Variants in COL24A1 observed in about 807,000 individuals in gnomAD.
The protein encoded by COL24A1 is collagen alpha-1(XXIV) chain.
COL24A1 carries 224 observed loss-of-function variants against 253.9 expected under a neutral mutation model. The ratio of observed to expected loss-of-function variants is 0.88; its 90% CI spans 0.79 to 0.99. The LOEUF is 0.99. Among genes scored for constraint, COL24A1 ranks in the 50% least tolerant of loss-of-function variants. COL24A1 has a pLI of 0.00. For missense variants in COL24A1, 2,131 were observed against 2,068.5 expected, an observed-to-expected ratio of 1.03 and a Z score of -0.59; for synonymous variants, 685 against 673.7, an observed-to-expected ratio of 1.02 and a Z score of -0.26.
At chr1:85,775,144 G>C (rs1668401811) in intron 53 of COL24A1, among the ~76,000 whole-genome samples, 1 of 152,158 alleles carries the variant, frequency 6.6e-6, no homozygotes, top group Non-Finnish European at 1.5e-5. Context: ...TAGTCATTCA[G>C]AAGCAGGTTG....
intron 24 of COL24A1, among the ~76,000 whole-genome samples, chr1:85,956,504 T>G (rs1690484453): frequency 6.6e-6 from 1 of 152,188 alleles, no homozygotes. Context: ...AGATTTCTCA[T>G]GAAATCTTAC....
intron 53 of COL24A1, among the ~76,000 whole-genome samples, chr1:85,763,890 C>G (rs1667094326): frequency 6.6e-6 from 1 of 152,172 alleles, no homozygotes; most frequent in South Asian, 2.1e-4. Flanking sequence ...AAACAAGATT[C>G]TCTTTTCACT....
At chr1:85,881,631 G>GA (rs1220846582) in intron 32 of COL24A1, among the ~76,000 whole-genome samples, 2 of 150,984 alleles carry the variant, frequency 1.3e-5, no homozygotes, top group Non-Finnish European at 3.0e-5. Context: ...TCTCAAAACA[G>GA]AAAAAAAAAT....
chr1:85,970,455 C>T (rs951226625), intron 21 of COL24A1, among the ~76,000 whole-genome samples, 184 bp from the exon 22 acceptor site: 3 of 151,898 alleles, frequency 2.0e-5, no homozygotes, highest in African/African-American at 7.3e-5. Context: ...TTTGTGTGAA[C>T]CTGGTGCATT....
intron 37 of COL24A1, among the ~76,000 whole-genome samples, chr1:85,854,055 T>C (rs1678125468): frequency 6.6e-6 from 1 of 152,226 alleles, no homozygotes; most frequent in African/African-American, 2.4e-5. Flanking sequence ...ATGTCCAGAA[T>C]AGTATTCCCT....
intron 37 of COL24A1, among the ~76,000 whole-genome samples, chr1:85,859,561 T>G (rs1431359646): frequency 6.6e-6 from 1 of 152,186 alleles, no homozygotes; most frequent in Admixed American, 6.6e-5. Flanking sequence ...CCCTGGTTAT[T>G]TGTTCAGTAT....
At chr1:85,809,654 T>C (rs1228368721) in intron 47 of COL24A1, among the ~76,000 whole-genome samples, 5 of 151,982 alleles carry the variant, frequency 3.3e-5, no homozygotes, top group Non-Finnish European at 7.4e-5. Context: ...CTCTGTGGAC[T>C]TTGGAGTCAA....
At chr1:86,029,543 T>C (rs1698359490) in intron 14 of COL24A1, among the ~76,000 whole-genome samples, 3 of 152,144 alleles carry the variant, frequency 2.0e-5, no homozygotes, top group South Asian at 4.1e-4. Flanking sequence ...AGTTAAAGCT[T>C]ATGCTGACTT....
intron 3 of COL24A1, among the ~76,000 whole-genome samples, chr1:86,124,520 T>G (rs1167425090): frequency 2.0e-5 from 3 of 152,078 alleles, no homozygotes; most frequent in African/African-American, 7.2e-5. Context: ...AATATAAATA[T>G]ATTATCTATA....
At position 85,987,619 on chromosome 1, in the gene COL24A1, G is replaced by A. The variant is rs762767178; in HGVS notation, c.2346C>T (p.Asn782=). The change falls in exon 20 of 60, where the codon AAC becomes AAT. Residue 782 remains asparagine, a synonymous_variant. Coordinates refer to ENST00000370571, the MANE Select transcript of COL24A1 (RefSeq NM_152890.7). ...TTCTTACCTTTGGTCCTTCAGGGCC[G>A]TTTTGTCCAGGAATCCCAATATCTC... ...FPGDIGIPGQ[N]GPEGPKGLLG... 1.2e-5 allele frequency: 19 copies of A among 1,610,312 alleles called. No individual in the cohort carries two copies. The highest frequency in any genetic ancestry group is 1.7e-5 in the Admixed American group (1 of 59,608).
chr1:86,034,783 G>C (rs555289), intron 12 of COL24A1, among the ~76,000 whole-genome samples: 19,038 of 151,866 alleles, frequency 0.13, 1,298 homozygotes, highest in Middle Eastern at 0.14. Context: ...ATAACTCAAC[G>C]CTCAGCTACT....
At chr1:85,887,392 C>T (rs1682638568) in intron 32 of COL24A1, among the ~76,000 whole-genome samples, 1 of 151,672 alleles carries the variant, frequency 6.6e-6, no homozygotes, top group South Asian at 2.1e-4. Context: ...AACCAAGGGA[C>T]ATTATTTGTT....
At chr1:86,072,844 G>C (rs552057505) in intron 7 of COL24A1, among the ~76,000 whole-genome samples, 1 of 152,298 alleles carries the variant, frequency 6.6e-6, no homozygotes, top group South Asian at 2.1e-4. Context: ...CAGGCAAACA[G>C]GGTCTGGAGT....
intron 12 of COL24A1, among the ~76,000 whole-genome samples, chr1:86,040,310 T>C (rs1033653178): frequency 2.0e-5 from 3 of 152,042 alleles, no homozygotes; most frequent in Non-Finnish European, 1.5e-5. Context: ...TTTTCTTTTC[T>C]TAATTTTATT....
At chr1:85,799,329 A>T (rs1671179102) in intron 47 of COL24A1, among the ~76,000 whole-genome samples, 1 of 151,302 alleles carries the variant, frequency 6.6e-6, no homozygotes, top group South Asian at 2.1e-4. Flanking sequence ...CTCAGTGGAA[A>T]AACCCAGCAG....
At chr1:85,947,440 A>G (rs1405966900) in intron 24 of COL24A1, among the ~76,000 whole-genome samples, 3 of 152,212 alleles carry the variant, frequency 2.0e-5, no homozygotes, top group Non-Finnish European at 2.9e-5. Context: ...CTTATTCGGA[A>G]CATGCATATT....
At chr1:86,119,573 G>A (rs753106918) in intron 3 of COL24A1, among the ~76,000 whole-genome samples, 8 of 152,072 alleles carry the variant, frequency 5.3e-5, no homozygotes, top group South Asian at 2.1e-4. Flanking sequence ...AAAGGGTTTC[G>A]CAACAAATTG....
intron 24 of COL24A1, among the ~76,000 whole-genome samples, chr1:85,912,292 A>G (rs1199562360): frequency 1.3e-5 from 2 of 152,182 alleles, no homozygotes; most frequent in African/African-American, 2.4e-5. Flanking sequence ...GGGTTTTTCC[A>G]TCTTTGTCTT....
chr1:85,954,930 G>A (rs921277748), intron 24 of COL24A1, among the ~76,000 whole-genome samples: 3 of 152,124 alleles, frequency 2.0e-5, no homozygotes, highest in Non-Finnish European at 4.4e-5. Context: ...TTCCCTCAAG[G>A]AAATATGACT....
Sources: gnomAD v4.1 joint callset for allele counts (sites outside exome capture counted in the v4.1 genomes callset) on GRCh38, gnomAD v4.1.1 for gene constraint, MANE v1.5 for transcripts, NCBI Gene and HGNC (gene_info 2026-07-23, HGNC 2026-07-21) for gene names.